ENO4: variants seen among roughly 807,000 people sequenced by gnomAD.
ENO4 encodes enolase 4.
Under a neutral mutation model 63.2 loss-of-function variants are expected in ENO4, and 53 were observed. The observed-to-expected ratio is 0.84, with a 90% CI of 0.67 to 1.05. The LOEUF is 1.05. Ranked by LOEUF, ENO4 falls within the 50% of genes least tolerant of loss-of-function variation. The pLI is 0.00. For synonymous variants in ENO4, 266 were observed against 283.8 expected (o/e 0.94, Z 0.63); for missense variants, 719 against 772.0 (o/e 0.93, Z 0.81).
At chr10:116,872,628 C>T (rs141622286) in intron 9 of ENO4, among the ~76,000 whole-genome samples, 4 of 152,162 alleles carry the variant, frequency 2.6e-5, no homozygotes, top group Non-Finnish European at 5.9e-5. Context: ...TTACAAATTA[C>T]TCAGTCTCAG....
chr10:116,884,810 TGG>T (rs1160602235), downstream of ENO4: 1 of 155,914 alleles, frequency 6.4e-6, no homozygotes, highest in Non-Finnish European at 1.4e-5. Context: ...GGGAAACTAT[TGG>T]TGCCTTTTTA....
intron 4 of ENO4, among the ~76,000 whole-genome samples, chr10:116,859,787 C>T (rs572268285): frequency 5.3e-5 from 8 of 152,164 alleles, no homozygotes; most frequent in Admixed American, 3.3e-4. Context: ...ATGCCAGGCA[C>T]GAACCATACA....
Position 116,859,122 on chromosome 10 carries a change from AAAG to A in ENO4, c.619_621del (p.Lys207del). On this transcript the variant is annotated inframe_deletion, in exon 4 of 14. Coordinates refer to ENST00000341276, the MANE Select transcript of ENO4 (RefSeq NM_001242699.2). ...CACCCCCTCCACCTCCTACCAAAAAAAAGGGGCAAAAGCCAGGTTGGTTGGTGA... is the reference window on the plus strand; with the variant it reads ...CACCCCCTCCACCTCCTACCAAAAAAGGGCAAAAGCCAGGTTGGTTGGTGA... 3.3e-6 allele frequency: 5 copies of A among 1,529,990 alleles called. No individual in the cohort carries two copies. Among genetic ancestry groups the A allele is most frequent in the Non-Finnish European group, 4.4e-6 (5 of 1,144,418 alleles). The allele number at this position is 1,529,990 out of a possible 1,614,324, so 94.8% of individuals were successfully genotyped here.
At chr10:116,879,632 A>G (rs1457602881) in intron 12 of ENO4, among the ~76,000 whole-genome samples, 1 of 152,204 alleles carries the variant, frequency 6.6e-6, no homozygotes, top group African/African-American at 2.4e-5. Context: ...ACGTTCTTAC[A>G]TAAAATCAGC....
chr10:116,850,050 C>A, intron 1 of ENO4: 1 of 515,034 alleles, frequency 1.9e-6, no homozygotes, highest in Non-Finnish European at 3.5e-6. Flanking sequence ...TGTGGGCCGG[C>A]CCACCGCCCA....
At chr10:116,869,253 A>C (rs1846626999) in intron 8 of ENO4, among the ~76,000 whole-genome samples, 1 of 152,168 alleles carries the variant, frequency 6.6e-6, no homozygotes, top group Non-Finnish European at 1.5e-5. Context: ...GCTGAACTTG[A>C]TCTGTCAGTC....
rs141619183 is a variant in ENO4, at chr10:116,871,666, T to A, written c.1215+374T>A. 1.8e-4 allele frequency among the ~76,000 whole-genome samples: 27 copies of A among 152,350 alleles called. No homozygotes were observed. In the East Asian group the frequency reaches 5.0e-3, roughly 28 times the overall value. ...AGATGAGTTGTAACTTATGATGTGA[T>A]AGGCGCTTCCAGACATGTAGTTCTT... is the stretch of plus-strand genomic sequence containing the variant. On this transcript the variant is annotated intron_variant, in intron 9 of 13. Transcript: ENST00000341276.
chr10:116,861,239 AT>A lies in ENO4; in HGVS notation c.936+50del, dbSNP rs1473526222. 616 of 341,710 alleles carry A rather than the reference AT, an allele frequency of 1.8e-3. 3 individuals are homozygous for A. The African/African-American group carries it at 0.021, about 11-fold the overall frequency. The allele number at this position is 341,710 out of a possible 1,614,324, so 21.2% of individuals were successfully genotyped here. On this transcript the variant is annotated intron_variant, in intron 6 of 13. Transcript: ENST00000341276. ...CCTTTTCTAAAAAAAAAAAAAAAAT[AT>A]ATATATATATATATATACTCCGTCA...
intron 10 of ENO4, among the ~76,000 whole-genome samples, chr10:116,891,238 G>A (rs1476104734): frequency 6.6e-6 from 1 of 152,240 alleles, no homozygotes; most frequent in Non-Finnish European, 1.5e-5. Flanking sequence ...AAAGCTGATT[G>A]CCAAACAGTA....
chr10:116,855,694 A>G lies in ENO4; in HGVS notation c.237A>G (p.Gly79=). ...CKIVGKDVLD[G]LGLPTLQVDI... ...TAGTGGGGAAAGACGTACTAGATGG[A>G]CTGGGGCTTCCAACCCTGCAAGTGG... Residue 79 remains glycine (G), a synonymous_variant, in exon 2 of 14, where the codon GGA becomes GGG. Transcript: ENST00000341276. 6.5e-7 allele frequency: 1 copy of G among 1,536,550 alleles called. No homozygotes were observed. The highest frequency in any genetic ancestry group is 1.2e-5 in the South Asian group (1 of 84,044).
intron 7 of ENO4, among the ~76,000 whole-genome samples, chr10:116,864,097 G>C (rs1042543360): frequency 6.6e-6 from 1 of 152,210 alleles, no homozygotes; most frequent in Non-Finnish European, 1.5e-5. Context: ...GCCACAGGAA[G>C]CCATACCTGG....
intron 10 of ENO4, among the ~76,000 whole-genome samples, chr10:116,890,165 ATTTT>A (rs5788198): frequency 0.99 from 151,241 of 152,258 alleles, 75,122 homozygotes; most frequent in Middle Eastern, 1. Flanking sequence ...ATTCTGTTCA[ATTTT>A]TTTTTCTACT....
intron 10 of ENO4, among the ~76,000 whole-genome samples, chr10:116,889,973 C>T (rs550068279): frequency 6.6e-6 from 1 of 152,262 alleles, no homozygotes; most frequent in African/African-American, 2.4e-5. Flanking sequence ...CCTCATTCTA[C>T]CTTCATTCCT....
chr10:116,901,159 A>G lies in ENO4; in HGVS notation c.1195-10340A>G, dbSNP rs1339824173. The G allele has an allele frequency of 8.1e-6, 8 of 985,320 alleles. No homozygotes were observed. In the East Asian group the frequency reaches 6.8e-4, roughly 84 times the overall value. The allele number at this position is 985,320 out of a possible 1,614,324, so 61.0% of individuals were successfully genotyped here. A position where few individuals can be genotyped will look rare whatever the true frequency, so the allele number is the denominator to read the frequency against. On this transcript the variant is annotated intron_variant, in intron 10 of 10. Coordinates refer to the ENO4 transcript ENST00000369207. Reference sequence around the variant, plus strand: ...AAAGCAAAACTGTAGACTAATTTCAAAAAAGAGCTGCCATTGTTATAAAAC... The same window carrying G: ...AAAGCAAAACTGTAGACTAATTTCAGAAAAGAGCTGCCATTGTTATAAAAC...
intron 1 of ENO4, chr10:116,849,995 C>G (rs998673900): frequency 1.1e-5 from 7 of 645,918 alleles, no homozygotes; most frequent in Non-Finnish European, 2.0e-5. Flanking sequence ...CAGCGGCAGC[C>G]CAGGGGCTGG....
intron 10 of ENO4, among the ~76,000 whole-genome samples, chr10:116,888,521 GA>G (rs1847233348): frequency 6.6e-6 from 1 of 152,178 alleles, no homozygotes; most frequent in South Asian, 2.1e-4. Context: ...TAAAGTGACA[GA>G]GACTGGGGAC....
intron 11 of ENO4, among the ~76,000 whole-genome samples, chr10:116,877,653 G>A (rs1301992895): frequency 2.6e-5 from 4 of 152,136 alleles, no homozygotes; most frequent in Non-Finnish European, 5.9e-5. Flanking sequence ...GAGTCATGAA[G>A]CTGGGATTCA....
chr10:116,898,041 A>G (rs1847583193), intron 10 of ENO4, among the ~76,000 whole-genome samples: 1 of 152,152 alleles, frequency 6.6e-6, no homozygotes, highest in South Asian at 2.1e-4. Flanking sequence ...AAAGTCTATA[A>G]TTTAGGCTGA....
At position 116,871,164 on chromosome 10, in the gene ENO4, A is replaced by C; in HGVS notation, c.1087A>C (p.Thr363Pro). 1 of 1,550,508 alleles carries C rather than the reference A, an allele frequency of 6.4e-7. No homozygotes were observed. Among genetic ancestry groups the C allele is most frequent in the African/African-American group, 1.4e-5 (1 of 73,174 alleles). The change falls in exon 9 of 14, where the codon ACC becomes CCC. Residue 363 changes from threonine (T) to proline (P), a missense_variant. Transcript: ENST00000341276. ...TGKMSHLGCLTINCDSIEQPL... is the reference protein window; with the variant it reads ...TGKMSHLGCLPINCDSIEQPL... ...CAAGATGTCTCATCTTGGCTGTTTA[A>C]CCATTAACTGTGACTCCATAGAACA...
Sources: gnomAD v4.1 joint callset for allele counts (sites outside exome capture counted in the v4.1 genomes callset) on GRCh38, gnomAD v4.1.1 for gene constraint, MANE v1.5 for transcripts, NCBI Gene and HGNC (gene_info 2026-07-23, HGNC 2026-07-21) for gene names.